PRRT1B: variants seen among roughly 807,000 people sequenced by gnomAD.
PRRT1B encodes the protein dispanin subfamily D member 2.
chr9:131,546,429 G>T (rs1950975242), intron 1 of PRRT1B, among the ~76,000 whole-genome samples: 2 of 152,172 alleles, frequency 1.3e-5, no homozygotes, highest in Admixed American at 1.3e-4. Context: ...AAGGAACCGA[G>T]ACCTCGTCCT....
chr9:131,554,084 G>A (rs1951029531), intron 1 of PRRT1B, among the ~76,000 whole-genome samples: 1 of 152,118 alleles, frequency 6.6e-6, no homozygotes. Flanking sequence ...CTACAGTTTG[G>A]CAGCTCCTGG....
intron 3 of PRRT1B, among the ~76,000 whole-genome samples, chr9:131,556,835 G>C (rs1320771380): frequency 6.6e-6 from 1 of 151,952 alleles, no homozygotes; most frequent in Non-Finnish European, 1.5e-5. Context: ...GTTTCGCCAT[G>C]TTGGCCAGGC....
At chr9:131,546,455 C>G (rs10120697) in intron 1 of PRRT1B, among the ~76,000 whole-genome samples, 23,547 of 151,812 alleles carry the variant, frequency 0.16, 2,837 homozygotes, top group African/African-American at 0.33. Flanking sequence ...TGGGGAGTCT[C>G]TGGCTGGCTG....
At chr9:131,550,516 G>A (rs1211376774) in intron 1 of PRRT1B, among the ~76,000 whole-genome samples, 2 of 152,274 alleles carry the variant, frequency 1.3e-5, no homozygotes, top group Middle Eastern at 3.4e-3. Context: ...TAATTCTCAT[G>A]AAAACACACG....
Position 131,554,549 on chromosome 9 carries a change from C to T in PRRT1B, c.26-8C>T. The stretch of plus-strand genomic sequence containing the variant: ...CTCTTGCTCACGACCGCTGCCATTT[C>T]TTTCTAGGGTCCGACACGAAAGGGG... On this transcript the variant is annotated splice_polypyrimidine_tract_variant and splice_region_variant and intron_variant, in intron 1 of 3. Transcript: ENST00000636672. The T allele has an allele frequency of 7.6e-6, 3 of 394,918 alleles. No homozygotes were observed. The highest frequency in any genetic ancestry group is 1.3e-5 in the Non-Finnish European group (3 of 223,500). 24.5% of individuals were successfully genotyped at this position (394,918 alleles called of 1,614,324 possible).
At chr9:131,547,545 C>A (rs1339226123) in intron 1 of PRRT1B, among the ~76,000 whole-genome samples, 1 of 152,206 alleles carries the variant, frequency 6.6e-6, no homozygotes, top group Non-Finnish European at 1.5e-5. Flanking sequence ...CTCAGCCTAC[C>A]TGCACCCAGG....
chr9:131,554,080 T>A (rs1336050983), intron 1 of PRRT1B, among the ~76,000 whole-genome samples: 2 of 152,088 alleles, frequency 1.3e-5, no homozygotes, highest in Non-Finnish European at 2.9e-5. Flanking sequence ...CTAGCTACAG[T>A]TTGGCAGCTC....
At chr9:131,557,266 T>C (rs980547656) in intron 3 of PRRT1B, among the ~76,000 whole-genome samples, 1 of 152,130 alleles carries the variant, frequency 6.6e-6, no homozygotes, top group Non-Finnish European at 1.5e-5. Context: ...GGGCTGGGCA[T>C]GGTGGCTCAC....
At chr9:131,550,421 G>A (rs970705574) in intron 1 of PRRT1B, among the ~76,000 whole-genome samples, 1 of 152,096 alleles carries the variant, frequency 6.6e-6, no homozygotes, top group Non-Finnish European at 1.5e-5. Flanking sequence ...AATTACGTGC[G>A]CTGTACTGCC....
At chr9:131,553,829 G>A (rs1355067208) in intron 1 of PRRT1B, among the ~76,000 whole-genome samples, 1 of 152,204 alleles carries the variant, frequency 6.6e-6, no homozygotes, top group East Asian at 1.9e-4. Context: ...GAGGCCCTCT[G>A]GTGCTCAGCT....
rs538745310 is a variant in PRRT1B at position 131,554,655 on chromosome 9, C to A, written c.124C>A (p.Pro42Thr). ...CGAGGATCCCCAGATGCCCGCGCAG[C>A]CCGCGCTCCCGCAGCTCCCGCGCCG... Residue 42 changes from proline (P) to threonine (T), a missense_variant, in exon 2 of 4, where the codon CCC becomes ACC. Pro to Thr is a conservative substitution (Grantham distance 38). Transcript: ENST00000636672. 33 of 390,674 alleles carry A rather than the reference C, an allele frequency of 8.4e-5. No individual in the cohort carries two copies. The South Asian group carries it at 4.0e-3, about 47-fold the overall frequency. 24.2% of individuals were successfully genotyped at this position (390,674 alleles called of 1,614,324 possible). A position where few individuals can be genotyped will look rare whatever the true frequency, so the allele number is the denominator to read the frequency against.
At chr9:131,554,985 G>A in exon 2 of PRRT1B, 1 of 394,156 alleles carries the variant, frequency 2.5e-6, no homozygotes, top group Admixed American at 4.4e-5. Context: ...CACGCCGCCC[G>A]CGCTCTTCTC....
In PRRT1B at chr9:131,551,287, C is replaced by T. The variant is rs955526852; in HGVS notation, c.26-3270C>T. Among the ~76,000 whole-genome samples, 4 of 152,022 alleles carry T rather than the reference C, an allele frequency of 2.6e-5. No individual in the cohort carries two copies. The highest frequency in any genetic ancestry group is 9.7e-5 in the African/African-American group (4 of 41,398). ...ATACAAAACCGCATCCAGGCCATCACCAATCATTCTATACGACAAATGCTC... is the reference window on the plus strand; with the variant it reads ...ATACAAAACCGCATCCAGGCCATCATCAATCATTCTATACGACAAATGCTC... On this transcript the variant is annotated intron_variant, in intron 1 of 3. Coordinates refer to ENST00000636672, the Ensembl canonical transcript of PRRT1B. The surrounding 1 kb of genome is among the most constrained non-coding windows in gnomAD (Gnocchi z 4.4).
intron 1 of PRRT1B, among the ~76,000 whole-genome samples, chr9:131,546,795 C>T (rs1950978520): frequency 6.6e-6 from 1 of 152,178 alleles, no homozygotes; most frequent in Non-Finnish European, 1.5e-5. Context: ...GATTTATTTA[C>T]TCTGGGGCCC....
downstream of PRRT1B, among the ~76,000 whole-genome samples, chr9:131,559,655 C>T (rs938601821): frequency 6.6e-6 from 1 of 152,218 alleles, no homozygotes; most frequent in African/African-American, 2.4e-5. Flanking sequence ...AAGTCATGAG[C>T]AGCCTGGAGA....
rs959488189 is a variant in PRRT1B at position 131,556,029 on chromosome 9, G to A, written c.499-41G>A. 1.5e-5 allele frequency: 6 copies of A among 400,088 alleles called. No individual in the cohort carries two copies. In the Admixed American group the frequency reaches 1.8e-4, roughly 12 times the overall value. 24.8% of individuals were successfully genotyped at this position (400,088 alleles called of 1,614,324 possible). On this transcript the variant is annotated intron_variant, in intron 2 of 3. Transcript: ENST00000636672. ...TTCTCACTCACTCTGTTGTCCAGAG[G>A]CTGGGCCAGCTCCCTCACCACTGTG...
chr9:131,554,404 C>G (rs1221171002), intron 1 of PRRT1B, among the ~76,000 whole-genome samples, 153 bp from the exon 2 acceptor site: 1 of 152,174 alleles, frequency 6.6e-6, no homozygotes, highest in Admixed American at 6.5e-5. Context: ...GGCAGGTGGC[C>G]CCTCTGGGCC....
chr9:131,552,090 G>C (rs1951016021), intron 1 of PRRT1B, among the ~76,000 whole-genome samples: 1 of 152,194 alleles, frequency 6.6e-6, no homozygotes, highest in African/African-American at 2.4e-5. Flanking sequence ...ACCGCATCCA[G>C]CCATGTTCGC....
At position 131,551,295 on chromosome 9, in the gene PRRT1B, T is replaced by A. The variant is rs985602872; in HGVS notation, c.26-3262T>A. ...CCGCATCCAGGCCATCACCAATCAT[T>A]CTATACGACAAATGCTCCTTCTAAC... On this transcript the variant is annotated intron_variant, in intron 1 of 3. Transcript: ENST00000636672. This position sits in a 1 kb window ranked among gnomAD's most constrained non-coding sequence, Gnocchi z 4.4. 6.6e-6 allele frequency among the ~76,000 whole-genome samples: 1 copy of A among 152,018 alleles called. No homozygotes were observed. Among genetic ancestry groups the A allele is most frequent in the Non-Finnish European group, 1.5e-5 (1 of 67,996 alleles).
Sources: gnomAD v4.1 joint callset for allele counts (sites outside exome capture counted in the v4.1 genomes callset) on GRCh38, gnomAD v4.1.1 for gene constraint, Gnocchi (gnomAD v3.1) non-coding constraint, MANE v1.5 for transcripts, NCBI Gene and HGNC (gene_info 2026-07-23, HGNC 2026-07-21) for gene names.